Variants in CEP250 observed in about 807,000 individuals in gnomAD.
The protein encoded by CEP250 is centrosome-associated protein CEP250.
CEP250 carries 242 observed loss-of-function variants against 315.7 expected under a neutral mutation model. That is an observed-to-expected ratio of 0.77 (90% confidence interval 0.69 to 0.85). The LOEUF is 0.85. Among genes scored for constraint, CEP250 ranks in the 40% least tolerant of loss-of-function variants. The pLI is 0.00. For synonymous variants in CEP250, 1,088 were observed against 1,175.0 expected, an observed-to-expected ratio of 0.93 and a Z score of 1.51; for missense variants, 2,515 against 2,886.4, an observed-to-expected ratio of 0.87 and a Z score of 2.95.
At chr20:35,511,045 C>A (rs949987494) in intron 34 of CEP250, among the ~76,000 whole-genome samples, 4 of 152,140 alleles carry the variant, frequency 2.6e-5, no homozygotes, top group Middle Eastern at 3.2e-3. Context: ...TTGTTATCAG[C>A]CTCATCAAAA....
At chr20:35,479,862 C>T in intron 19 of CEP250, 89 bp downstream of exon 19, 1 of 1,600,820 alleles carries the variant, frequency 6.2e-7, no homozygotes, top group African/African-American at 1.3e-5. Context: ...AGGTCCTTCT[C>T]CAGCAGGGTG....
rs981413111 is a variant in CEP250, at chr20:35,472,737, A to C, written c.1115A>C (p.Asp372Ala). The change falls in exon 12 of 35, where the codon GAC becomes GCC. Residue 372 changes from aspartate (D) to alanine (A), a missense_variant. Asp to Ala is a moderately radical substitution (Grantham distance 126). Coordinates refer to ENST00000397527, the MANE Select transcript of CEP250 (RefSeq NM_007186.6). ...GGTCATGAGAACTCTTTGGAATTGGACTCTAGTATCTTCTCCCAGTTTGAT... is the reference window on the plus strand; with the variant it reads ...GGTCATGAGAACTCTTTGGAATTGGCCTCTAGTATCTTCTCCCAGTTTGAT... ...GSGHENSLELDSSIFSQFDYQ... is the reference protein window; with the variant it reads ...GSGHENSLELASSIFSQFDYQ... 5.0e-6 allele frequency: 8 copies of C among 1,613,818 alleles called. No individual in the cohort carries two copies. The highest frequency in any genetic ancestry group is 1.7e-5 in the Admixed American group (1 of 59,988).
rs140530131 is a variant in CEP250 at position 35,472,891 on chromosome 20, C to T, written c.1209+60C>T. On this transcript the variant is annotated intron_variant, in intron 12 of 34. Coordinates refer to ENST00000397527, the MANE Select transcript of CEP250 (RefSeq NM_007186.6). ...GGTTTGTGTCTAAACTGGTTTGTGC[C>T]TCAGGTACCTCCCTAGCCTGGACTA... 55 of 1,541,092 alleles carry T rather than the reference C, an allele frequency of 3.6e-5. No homozygotes were observed. The Admixed American group carries it at 9.2e-4, about 26-fold the overall frequency.
intron 17 of CEP250, among the ~76,000 whole-genome samples, 162 bp from the exon 18 acceptor site, chr20:35,479,069 C>A (rs769127702): frequency 6.6e-6 from 1 of 152,132 alleles, no homozygotes; most frequent in Admixed American, 6.5e-5. Context: ...GCTCTGTGGG[C>A]GGATCAGGGA....
chr20:35,480,089 T>A lies in CEP250; in HGVS notation c.2530T>A (p.Leu844Met). 6.2e-7 allele frequency: 1 copy of A among 1,612,792 alleles called. No individual in the cohort carries two copies. Among genetic ancestry groups the A allele is most frequent in the South Asian group, 1.1e-5 (1 of 91,006 alleles). ...GGCTGAGCAAGAAGGGAAGACTGCC[T>A]TGGAGCAGCAGAAGGCAGCCCATGA... ...AQAEQEGKTA[L>M]EQQKAAHEKE... is the part of the protein sequence containing the mutation. Residue 844 changes from leucine to methionine, a missense_variant, in exon 20 of 35, where the codon TTG becomes ATG. Coordinates refer to ENST00000397527, the MANE Select transcript of CEP250 (RefSeq NM_007186.6).
Position 35,518,998 on chromosome 20 carries a change from A to T in CEP250, c.*7372A>T, listed in dbSNP as rs183908099. On this transcript the variant is annotated 3_prime_UTR_variant, in exon 35 of 35. Coordinates refer to ENST00000397527, the MANE Select transcript of CEP250 (RefSeq NM_007186.6). ...CAGTGAGCTGAGATCGCGTCACTGC[A>T]CTCCAGCCTGGGTGGCAGAGCAAGA... is the stretch of plus-strand genomic sequence containing the variant. The T allele has an allele frequency of 2.6e-5, 4 of 151,296 alleles. No homozygotes were observed. The East Asian group carries it at 7.8e-4, about 29-fold the overall frequency. The allele number at this position is 151,296 out of a possible 1,614,324, so 9.4% of individuals were successfully genotyped here.
In CEP250 at chr20:35,498,747, C is replaced by T. The variant is rs567708260; in HGVS notation, c.3777+31C>T. 4.3e-5 allele frequency: 66 copies of T among 1,529,872 alleles called. No individual in the cohort carries two copies. The South Asian group carries it at 6.9e-4, about 16-fold the overall frequency. 94.8% of individuals were successfully genotyped at this position (1,529,872 alleles called of 1,614,324 possible). A position where few individuals can be genotyped will look rare whatever the true frequency, so the allele number is the denominator to read the frequency against. ...TTTCTCTGCTCCCCTTTCCCGAACT[C>T]TTTACATCCCTGGAAAAGCATGAGG... On this transcript the variant is annotated intron_variant, in intron 27 of 34. Coordinates refer to ENST00000397527, the MANE Select transcript of CEP250 (RefSeq NM_007186.6).
In CEP250 at chr20:35,490,815, A is replaced by G. The variant is rs750142324; in HGVS notation, c.2754+11A>G. The G allele has an allele frequency of 1.9e-6, 3 of 1,611,290 alleles. No individual in the cohort carries two copies. Among genetic ancestry groups the G allele is most frequent in the East Asian group, 2.2e-5 (1 of 44,890 alleles). ...AGTGCCCTATGCCAGGTGGGAAGCT[A>G]GGAGGATTGGAGCTGCACGTCCAGT... On this transcript the variant is annotated intron_variant, in intron 21 of 34. Transcript: ENST00000397527.
intron 20 of CEP250, among the ~76,000 whole-genome samples, chr20:35,481,992 T>C (rs1159531522): frequency 2.6e-5 from 4 of 152,122 alleles, no homozygotes; most frequent in South Asian, 2.1e-4. Context: ...TGAGCCACCA[T>C]GTCCAGCCTA....
intron 4 of CEP250, among the ~76,000 whole-genome samples, chr20:35,462,786 G>C (rs1424043716): frequency 6.6e-6 from 1 of 152,058 alleles, no homozygotes; most frequent in African/African-American, 2.4e-5. Context: ...TTTTGAGATA[G>C]GGTTTTGCTC....
Position 35,513,051 on chromosome 20 carries a change from CAG to C in CEP250, c.*1428_*1429del, listed in dbSNP as rs2064391785. ...CCCCATTATGTCTCATTGCACCACA[CAG>C]AGTGGAAATGGGGCTGTTCACAGCG... On this transcript the variant is annotated 3_prime_UTR_variant, in exon 35 of 35. Transcript: ENST00000397527. 6.6e-6 allele frequency: 1 copy of C among 152,210 alleles called. No individual in the cohort carries two copies. Among genetic ancestry groups the C allele is most frequent in the Non-Finnish European group, 1.5e-5 (1 of 68,060 alleles). 9.4% of individuals were successfully genotyped at this position (152,210 alleles called of 1,614,324 possible).
At chr20:35,496,771 G>A in intron 25 of CEP250, 56 bp downstream of exon 25, 1 of 1,567,484 alleles carries the variant, frequency 6.4e-7, no homozygotes, top group Non-Finnish European at 8.7e-7. Flanking sequence ...TGATTCTGAA[G>A]CGGTGGATTG....
chr20:35,479,575 A>G, intron 18 of CEP250, 71 bp from the exon 19 acceptor site: 1 of 1,585,458 alleles, frequency 6.3e-7, no homozygotes, highest in Non-Finnish European at 8.6e-7. Context: ...AATACTTAGA[A>G]CCCAGCTCCT....
chr20:35,475,366 T>C (rs148664605), intron 14 of CEP250, 136 bp from the exon 15 acceptor site: 11,196 of 904,640 alleles, frequency 0.012, 411 homozygotes, highest in South Asian at 0.1. Flanking sequence ...TTGACATGTC[T>C]TAGAAATCTT....
intron 11 of CEP250, 145 bp from the exon 12 acceptor site, chr20:35,472,528 T>C (rs1243818049): frequency 2.4e-6 from 2 of 825,582 alleles, no homozygotes; most frequent in Admixed American, 5.0e-5. Context: ...AACCAGACTT[T>C]TATGCTCAGA....
In CEP250 at chr20:35,516,447, C is replaced by G. The variant is rs1396218776; in HGVS notation, c.*4821C>G. On this transcript the variant is annotated 3_prime_UTR_variant, in exon 35 of 35. Coordinates refer to ENST00000397527, the MANE Select transcript of CEP250 (RefSeq NM_007186.6). Reference sequence around the variant, plus strand: ...GTCTCACATTCTAGCTGACTGATGGCCTCGGCTTCTGCTGTTGTATGTGGT... The same window carrying G: ...GTCTCACATTCTAGCTGACTGATGGGCTCGGCTTCTGCTGTTGTATGTGGT... 1 of 152,232 alleles carries G rather than the reference C, an allele frequency of 6.6e-6. No individual in the cohort carries two copies. Among genetic ancestry groups the G allele is most frequent in the Admixed American group, 6.5e-5 (1 of 15,284 alleles). 9.4% of individuals were successfully genotyped at this position (152,232 alleles called of 1,614,324 possible). A position where few individuals can be genotyped will look rare whatever the true frequency, so the allele number is the denominator to read the frequency against.
In CEP250 at chr20:35,479,731, G is replaced by T. The variant is rs1162362431; in HGVS notation, c.2374G>T (p.Val792Phe). 3.1e-6 allele frequency: 5 copies of T among 1,614,072 alleles called. No homozygotes were observed. The African/African-American group carries it at 5.3e-5, about 17-fold the overall frequency. ...AGAGGTCACCAAGGGGCAGCTGGAG[G>T]TCCAGATTCAAACTGTCACTCAAGC... The part of the protein sequence containing the change: ...VIEVTKGQLE[V>F]QIQTVTQAKE... The change falls in exon 19 of 35, where the codon GTC (valine) becomes TTC (phenylalanine). Residue 792 changes from valine (V) to phenylalanine (F), a missense_variant. Physicochemically the swap from Val to Phe is conservative, Grantham distance 50. Coordinates refer to ENST00000397527, the MANE Select transcript of CEP250 (RefSeq NM_007186.6).
chr20:35,499,001 AC>A (rs771536402), intron 27 of CEP250, among the ~76,000 whole-genome samples: 2 of 152,170 alleles, frequency 1.3e-5, no homozygotes, highest in Non-Finnish European at 2.9e-5. Flanking sequence ...TAGGCCAGGC[AC>A]GGTGGCTCAT....
intron 32 of CEP250, 111 bp from the exon 33 acceptor site, chr20:35,508,831 GT>G: frequency 2.5e-6 from 2 of 809,564 alleles, no homozygotes; most frequent in South Asian, 3.3e-5. Flanking sequence ...TCTTCCCATG[GT>G]TACTGTCCCC....
Sources: gnomAD v4.1 joint callset for allele counts (sites outside exome capture counted in the v4.1 genomes callset) on GRCh38, gnomAD v4.1.1 for gene constraint, MANE v1.5 for transcripts, NCBI Gene and HGNC (gene_info 2026-07-23, HGNC 2026-07-21) for gene names.